ZW10: variants seen among roughly 807,000 people sequenced by gnomAD.
The protein encoded by ZW10 is zw10 kinetochore protein, also known as centromere/kinetochore protein zw10 homolog.
Under a neutral mutation model 87.8 loss-of-function variants are expected in ZW10, and 53 were observed. The ratio of observed to expected loss-of-function variants is 0.60; its 90% CI spans 0.48 to 0.76. The LOEUF is 0.76. ZW10 is among the 30% of genes least tolerant of loss of function. The pLI is 0.00. For synonymous variants in ZW10, 312 were observed against 329.2 expected (o/e 0.95, Z 0.57); for missense variants, 837 against 923.0 (o/e 0.91, Z 1.21).
At chr11:113,748,559 G>A (rs1477978232) in intron 7 of ZW10, 139 bp from the exon 8 acceptor site, 19 of 647,254 alleles carry the variant, frequency 2.9e-5, no homozygotes, top group African/African-American at 3.7e-5. Flanking sequence ...TCTCAACTGC[G>A]TGGGACAAAT....
chr11:113,741,727 T>C lies in ZW10; in HGVS notation c.1550A>G (p.His517Arg). 5 of 1,608,442 alleles carry C rather than the reference T, an allele frequency of 3.1e-6. 1 individual carries two copies. In the East Asian group the frequency reaches 6.7e-5, roughly 22 times the overall value. The change falls in exon 11 of 16, where the codon CAT becomes CGT. Residue 517 changes from histidine (H) to arginine (R), a missense_variant. Physicochemically the swap from His to Arg is conservative, Grantham distance 29. Transcript: ENST00000200135. ...TGTTGGTACAACATCATGGAACAAATGGAAGATATTCCTCACTGAGTAGAA... is the reference window on the plus strand; with the variant it reads ...TGTTGGTACAACATCATGGAACAAACGGAAGATATTCCTCACTGAGTAGAA... ...QLFYSVRNIF[H>R]LFHDVVPTYH...
At chr11:113,763,044 G>A (rs1953878241) in intron 2 of ZW10, among the ~76,000 whole-genome samples, 1 of 152,060 alleles carries the variant, frequency 6.6e-6, no homozygotes, top group Non-Finnish European at 1.5e-5. Context: ...AGGCCCTGGT[G>A]TGTGTTGTTC....
intron 7 of ZW10, among the ~76,000 whole-genome samples, chr11:113,749,956 C>T (rs139468665): frequency 7.9e-5 from 12 of 152,278 alleles, no homozygotes; most frequent in African/African-American, 2.2e-4. Context: ...CCTCCATGCA[C>T]TAACATAACA....
chr11:113,744,164 G>C (rs1221830858), intron 9 of ZW10, 124 bp from the exon 10 acceptor site: 21 of 703,712 alleles, frequency 3.0e-5, no homozygotes, highest in Admixed American at 1.3e-4. Flanking sequence ...GAGGCGGGCA[G>C]ATCACGAGGT....
intron 14 of ZW10, 73 bp downstream of exon 14, chr11:113,737,499 A>G: frequency 7.1e-7 from 1 of 1,409,220 alleles, no homozygotes; most frequent in African/African-American, 1.4e-5. Flanking sequence ...CTTCAACATC[A>G]CTTTCTTAGC....
chr11:113,741,040 T>C (rs1264462039), intron 11 of ZW10, among the ~76,000 whole-genome samples: 1 of 151,262 alleles, frequency 6.6e-6, no homozygotes, highest in Non-Finnish European at 1.5e-5. Flanking sequence ...GCTTTTATAA[T>C]AAAAACAACA....
rs547546111 is a variant in ZW10, at chr11:113,769,471, T to C, written c.106-504A>G. ...CTATTTTCTTGCCTATAATATTTTA[T>C]GGCCTGATCTTAAAACCCTACATTG... On this transcript the variant is annotated intron_variant, in intron 1 of 15. Transcript: ENST00000200135. Among the ~76,000 whole-genome samples the C allele has an allele frequency of 1.6e-4, 25 of 152,388 alleles. No individual in the cohort carries two copies. In the South Asian group the frequency reaches 5.0e-3, roughly 30 times the overall value.
Position 113,773,638 on chromosome 11 carries a change from G to A in ZW10, c.29C>T (p.Ala10Val), listed in dbSNP as rs1449922355. ...CTCCTTTTCCAGCCTCCCGGAGTGT[G>A]CCAAAACTTCTGTCACGAACGAGGC... Reference protein sequence around the residue: MASFVTEVLAHSGRLEKEDL... With the variant: MASFVTEVLVHSGRLEKEDL... Residue 10 changes from alanine (A) to valine (V), a missense_variant, in exon 1 of 16, where the codon GCA (alanine) becomes GTA (valine). Ala to Val is a moderately conservative substitution (Grantham distance 64). Coordinates refer to ENST00000200135, the MANE Select transcript of ZW10 (RefSeq NM_004724.4). The A allele has an allele frequency of 1.9e-6, 3 of 1,613,698 alleles. No homozygotes were observed. The highest frequency in any genetic ancestry group is 2.5e-6 in the Non-Finnish European group (3 of 1,179,820).
intron 10 of ZW10, among the ~76,000 whole-genome samples, chr11:113,742,574 A>G (rs1953632497): frequency 1.3e-5 from 2 of 152,190 alleles, no homozygotes; most frequent in Admixed American, 1.3e-4. Flanking sequence ...CCTGTTAAAA[A>G]CTATTACTTT....
Position 113,748,294 on chromosome 11 carries a change from A to C in ZW10, c.1052T>G (p.Ile351Ser). 1 of 1,613,146 alleles carries C rather than the reference A, an allele frequency of 6.2e-7. No homozygotes were observed. The highest frequency in any genetic ancestry group is 8.5e-7 in the Non-Finnish European group (1 of 1,179,684). ...CLIKNCLVYS[I>S]PTNSSKLQQY... The stretch of plus-strand genomic sequence containing the variant: ...CTGTAATTTGCTGCTATTTGTTGGA[A>C]TCGAATAAACCAAACAGTTTTTGAT... The change falls in exon 8 of 16, where the codon ATT becomes AGT. Residue 351 changes from isoleucine (I) to serine (S), a missense_variant. Physicochemically the swap from Ile to Ser is moderately radical, Grantham distance 142. Transcript: ENST00000200135.
chr11:113,763,897 C>A (rs1326955181), intron 2 of ZW10, among the ~76,000 whole-genome samples: 1 of 152,128 alleles, frequency 6.6e-6, no homozygotes, highest in African/African-American at 2.4e-5. Context: ...GCTTTTATTG[C>A]AGTTGCTTTT....
At chr11:113,739,929 C>T (rs557014146) in intron 11 of ZW10, among the ~76,000 whole-genome samples, 12 of 152,256 alleles carry the variant, frequency 7.9e-5, no homozygotes, top group Admixed American at 2.6e-4. Context: ...TTAAAATCTT[C>T]CCAGGTGATT....
rs2271796 is a variant in ZW10, at chr11:113,768,842, T to C, written c.231A>G (p.Ile77Met). ...AACAAATTATCCTTACCTCACTCTC[T>C]ATCCTGGATTTCAGCAGGTCAATGT... ...SEDIDLLKSR[I>M]ESEVRRDLHV... is the part of the protein sequence containing the mutation. Residue 77 changes from isoleucine (I) to methionine (M), a missense_variant, in exon 2 of 16, where the codon ATA becomes ATG. By Grantham distance (10) the Ile-to-Met change is conservative. Coordinates refer to ENST00000200135, the MANE Select transcript of ZW10 (RefSeq NM_004724.4). 1,372 of 1,614,118 alleles carry C rather than the reference T, an allele frequency of 8.5e-4. 22 individuals carry two copies. In the East Asian group the frequency reaches 0.023, roughly 27 times the overall value.
Position 113,741,685 on chromosome 11 carries a change from G to T in ZW10, c.1583+9C>A. The stretch of plus-strand genomic sequence containing the variant: ...TTATTATATAGAAATGAGATACAGT[G>T]GTACTTACTTGTGATATGTTGGTAC... On this transcript the variant is annotated intron_variant, in intron 11 of 15. Coordinates refer to ENST00000200135, the MANE Select transcript of ZW10 (RefSeq NM_004724.4). 1 of 1,563,890 alleles carries T rather than the reference G, an allele frequency of 6.4e-7. No homozygotes were observed. Among genetic ancestry groups the T allele is most frequent in the South Asian group, 1.2e-5 (1 of 84,608 alleles).
At chr11:113,761,881 A>T (rs898710912) in intron 2 of ZW10, among the ~76,000 whole-genome samples, 2 of 152,174 alleles carry the variant, frequency 1.3e-5, no homozygotes, top group African/African-American at 4.8e-5. Context: ...AGCTTCCTGA[A>T]ATAGTGATCT....
At chr11:113,766,391 C>G (rs1016097227) in intron 2 of ZW10, among the ~76,000 whole-genome samples, 1 of 151,972 alleles carries the variant, frequency 6.6e-6, no homozygotes, top group Non-Finnish European at 1.5e-5. Flanking sequence ...AATTTTTAGG[C>G]TGGGCGCGGT....
At chr11:113,743,361 T>C (rs1956933151) in intron 10 of ZW10, among the ~76,000 whole-genome samples, 1 of 152,200 alleles carries the variant, frequency 6.6e-6, no homozygotes, top group Non-Finnish European at 1.5e-5. Context: ...GATATAACTA[T>C]TACCCACTGC....
Position 113,733,369 on chromosome 11 carries a change from G to A in ZW10, c.*325C>T. ...CCCAATTCCTCGTTCCAAAGCTAGGGCCTGCATTTACAATGTATATAGCTC... is the reference window on the plus strand; with the variant it reads ...CCCAATTCCTCGTTCCAAAGCTAGGACCTGCATTTACAATGTATATAGCTC... On this transcript the variant is annotated 3_prime_UTR_variant, in exon 16 of 16. Coordinates refer to ENST00000200135, the MANE Select transcript of ZW10 (RefSeq NM_004724.4). 4.6e-6 allele frequency: 1 copy of A among 218,432 alleles called. No homozygotes were observed. The highest frequency in any genetic ancestry group is 9.0e-6 in the Non-Finnish European group (1 of 110,746). 13.5% of individuals were successfully genotyped at this position (218,432 alleles called of 1,614,324 possible). A position where few individuals can be genotyped will look rare whatever the true frequency, so the allele number is the denominator to read the frequency against.
At chr11:113,744,845 C>T (rs1366471324) in intron 9 of ZW10, among the ~76,000 whole-genome samples, 1 of 152,148 alleles carries the variant, frequency 6.6e-6, no homozygotes, top group East Asian at 1.9e-4. Flanking sequence ...CATGAGCAAA[C>T]GCACCCGGCC....
Sources: gnomAD v4.1 joint callset for allele counts (sites outside exome capture counted in the v4.1 genomes callset) on GRCh38, gnomAD v4.1.1 for gene constraint, MANE v1.5 for transcripts, NCBI Gene and HGNC (gene_info 2026-07-23, HGNC 2026-07-21) for gene names.